ZDHHC11: variants seen among roughly 807,000 people sequenced by gnomAD.
The protein encoded by ZDHHC11 is palmitoyltransferase ZDHHC11.
Under a neutral mutation model 51.3 loss-of-function variants are expected in ZDHHC11, and 44 were observed. The ratio of observed to expected loss-of-function variants is 0.86; its 90% confidence interval spans 0.67 to 1.10. The LOEUF (loss-of-function observed/expected upper bound fraction) is 1.10, where lower values mean the gene tolerates loss of function less well. ZDHHC11 is among the 50% of genes least tolerant of loss of function. ZDHHC11 has a pLI of 0.00. For missense variants in ZDHHC11, 400 were observed against 537.7 expected (o/e 0.74, Z 2.53); for synonymous variants, 163 against 222.0 (o/e 0.73, Z 2.36).
intron 6 of ZDHHC11, among the ~76,000 whole-genome samples, chr5:837,016 C>T (rs1743956762): frequency 6.6e-6 from 1 of 151,440 alleles, no homozygotes; most frequent in African/African-American, 2.4e-5. Flanking sequence ...GAGATTTCAC[C>T]ACTTCACTCC....
intron 3 of ZDHHC11, among the ~76,000 whole-genome samples, chr5:846,553 T>G (rs1389793739): frequency 6.8e-6 from 1 of 146,378 alleles, no homozygotes; most frequent in Non-Finnish European, 1.5e-5. Flanking sequence ...GTCTCATCTG[T>G]GAGTCTCCAC....
At chr5:835,089 T>C (rs57021412) in intron 6 of ZDHHC11, among the ~76,000 whole-genome samples, 21,423 of 150,070 alleles carry the variant, frequency 0.14, 663 homozygotes, top group African/African-American at 0.31. Flanking sequence ...AAGACAAGCT[T>C]TGTCTCACTA....
At chr5:855,815 G>A (rs185325015), upstream of ZDHHC11, among the ~76,000 whole-genome samples, 18 of 146,378 alleles carry the variant, frequency 1.2e-4, no homozygotes, top group East Asian at 3.9e-3. Context: ...AGACCCCACA[G>A]AGGACAGTGA....
chr5:820,509 C>T (rs1188555583), intron 9 of ZDHHC11, among the ~76,000 whole-genome samples: 1 of 151,448 alleles, frequency 6.6e-6, no homozygotes, highest in African/African-American at 2.4e-5. Flanking sequence ...CAGGCCCTGT[C>T]TCTTCTGCCC....
intron 8 of ZDHHC11, among the ~76,000 whole-genome samples, chr5:823,051 C>T (rs1741768431): frequency 6.7e-6 from 1 of 149,802 alleles, no homozygotes; most frequent in African/African-American, 2.5e-5. Context: ...AAGCATATGA[C>T]TTGTAAATAT....
In ZDHHC11 at chr5:837,392, G is replaced by A. The variant is rs141928810; in HGVS notation, c.873C>T (p.Tyr291=). ...GGAGAACTCCTTTGTCCATTTGCAC[G>A]TATGGATCTTTCCTCACTGCTTGAT... is the stretch of plus-strand genomic sequence containing the variant. ...SKHQAVRKDP[Y]VQMDKGVLQQ... Residue 291 remains tyrosine (Y), a synonymous_variant, in exon 6 of 13, where the codon TAC becomes TAT. Transcript: ENST00000283441. 5.4e-5 allele frequency: 87 copies of A among 1,613,508 alleles called. No individual in the cohort carries two copies. The highest frequency in any genetic ancestry group is 4.3e-4 in the African/African-American group (32 of 74,770).
At chr5:801,828 T>A (rs12654019) in intron 11 of ZDHHC11, among the ~76,000 whole-genome samples, 33,218 of 150,296 alleles carry the variant, frequency 0.22, 5,362 homozygotes, top group African/African-American at 0.47. Context: ...ACAAGCAAAA[T>A]AGTCACTAGG....
upstream of ZDHHC11, among the ~76,000 whole-genome samples, chr5:854,372 A>G (rs182625313): frequency 1.2e-3 from 151 of 130,040 alleles, 2 homozygotes; most frequent in African/African-American, 4.4e-3. Flanking sequence ...TGTAGGACAG[A>G]GAGCCAGGGA....
chr5:812,285 TA>T (rs1740190778), intron 11 of ZDHHC11, among the ~76,000 whole-genome samples: 3 of 151,704 alleles, frequency 2.0e-5, no homozygotes, highest in Non-Finnish European at 4.4e-5. Flanking sequence ...AAAGACACGA[TA>T]AACACAAAAT....
chr5:803,718 C>A (rs1244594922), intron 11 of ZDHHC11, among the ~76,000 whole-genome samples: 7 of 150,880 alleles, frequency 4.6e-5, no homozygotes, highest in Non-Finnish European at 8.9e-5. Flanking sequence ...CTTAAATATG[C>A]TCAGTAAACT....
At chr5:807,475 T>A (rs1250427783) in intron 11 of ZDHHC11, among the ~76,000 whole-genome samples, 2 of 151,446 alleles carry the variant, frequency 1.3e-5, no homozygotes, top group African/African-American at 2.4e-5. Flanking sequence ...TCCACTATCA[T>A]AAATAAACAA....
intron 1 of ZDHHC11, among the ~76,000 whole-genome samples, chr5:850,075 C>T (rs1476272805): frequency 6.6e-6 from 1 of 152,258 alleles, no homozygotes; most frequent in Non-Finnish European, 1.5e-5. Context: ...AAATGCTGCG[C>T]AGGGATTTTA....
intron 11 of ZDHHC11, among the ~76,000 whole-genome samples, chr5:809,158 G>A (rs1253052885): frequency 6.9e-6 from 1 of 144,022 alleles, no homozygotes; most frequent in Non-Finnish European, 1.5e-5. Context: ...GAAGCGACCA[G>A]GGCTAATGTT....
Position 837,359 on chromosome 5 carries a change from T to C in ZDHHC11, c.900+6A>G. On this transcript the variant is annotated splice_donor_region_variant and intron_variant, in intron 6 of 12. Transcript: ENST00000283441. ...TGGAGAAATGGAGCAGAGAGACAGG[T>C]GGTACCTGGAGAACTCCTTTGTCCA... 6.2e-7 allele frequency: 1 copy of C among 1,613,794 alleles called. No individual in the cohort carries two copies. The highest frequency in any genetic ancestry group is 8.5e-7 in the Non-Finnish European group (1 of 1,179,724).
chr5:848,570 T>TG lies in ZDHHC11; in HGVS notation c.312_313insC (p.Asn105GlnfsTer42), dbSNP rs1259865278. On this transcript the variant is annotated frameshift_variant, in exon 2 of 13. Coordinates refer to ENST00000283441, the MANE Select transcript of ZDHHC11 (RefSeq NM_024786.3). LOFTEE classifies it high-confidence loss of function. ...AAGAGGGGCATGGGCTGAGAATAGTTCTTCATGAGTCTGACATTGGAGTCG... is the reference window on the plus strand; with the variant it reads ...AAGAGGGGCATGGGCTGAGAATAGTTGCTTCATGAGTCTGACATTGGAGTCG... 2 of 1,584,486 alleles carry TG rather than the reference T, an allele frequency of 1.3e-6. No individual in the cohort carries two copies. Among genetic ancestry groups the TG allele is most frequent in the Non-Finnish European group, 1.7e-6 (2 of 1,163,390 alleles).
chr5:818,790 G>A (rs1579613647), intron 10 of ZDHHC11, among the ~76,000 whole-genome samples: 1 of 151,510 alleles, frequency 6.6e-6, no homozygotes, highest in South Asian at 2.1e-4. Context: ...GAGCCCAGGA[G>A]GTGGAGGCTG....
chr5:816,925 G>A, intron 10 of ZDHHC11: 3 of 397,776 alleles, frequency 7.5e-6, no homozygotes, highest in Admixed American at 3.4e-5. Context: ...ACCCCAGTGG[G>A]AGACTGGTCA....
intron 7 of ZDHHC11, among the ~76,000 whole-genome samples, chr5:827,909 T>C (rs1355151106): frequency 6.6e-6 from 1 of 151,084 alleles, no homozygotes; most frequent in African/African-American, 2.4e-5. Flanking sequence ...TTTGTGTCCC[T>C]GGGTACTTGA....
chr5:841,779 G>A, intron 4 of ZDHHC11: 1 of 995,716 alleles, frequency 1.0e-6, no homozygotes, highest in Non-Finnish European at 1.2e-6. Context: ...AATGGCAGAG[G>A]GCCAGGCAAG....
Sources: allele counts gnomAD v4.1 joint callset (sites outside exome capture counted in the v4.1 genomes callset), GRCh38; gene constraint gnomAD v4.1.1; transcripts MANE v1.5; gene names NCBI Gene and HGNC (gene_info 2026-07-23, HGNC 2026-07-21).